The following HDAC9 variants were observed in gnomAD, a reference collection of about 807,000 sequenced individuals.
HDAC9 encodes the protein histone deacetylase 9, also known as MEF-2 interacting transcription repressor (MITR) protein.
In HDAC9, 41 loss-of-function variants were observed where a neutral mutation model predicts 139.4. That is an observed-to-expected ratio of 0.29 (90% CI 0.23 to 0.38). The LOEUF is 0.38. HDAC9 is among the 10% of genes least tolerant of loss of function. The pLI, the probability that HDAC9 is intolerant of heterozygous loss-of-function variation, is 1.00. For missense variants in HDAC9, 1,147 were observed against 1,297.0 expected (o/e 0.88, Z 1.78); for synonymous variants, 517 against 476.2 (o/e 1.09, Z -1.12).
At chr7:18,903,337 A>G (rs1297246734) in intron 22 of HDAC9, among the ~76,000 whole-genome samples, 1 of 152,242 alleles carries the variant, frequency 6.6e-6, no homozygotes, top group Non-Finnish European at 1.5e-5. Context: ...GTTTACGTAA[A>G]ATACTTGTGT....
chr7:18,207,539 CTTTTTT>C (rs56690120), intron 2 of HDAC9, among the ~76,000 whole-genome samples: 5 of 53,740 alleles, frequency 9.3e-5, no homozygotes, highest in African/African-American at 2.3e-4. Context: ...CCCAAGGAGT[CTTTTTT>C]TTTTTTTTTT....
At chr7:18,215,562 T>C (rs1792247058) in intron 2 of HDAC9, among the ~76,000 whole-genome samples, 1 of 152,194 alleles carries the variant, frequency 6.6e-6, no homozygotes, top group African/African-American at 2.4e-5. Flanking sequence ...TAAATGATTT[T>C]ATGTGGCAGT....
At chr7:18,549,372 T>C (rs960532396) in intron 2 of HDAC9, among the ~76,000 whole-genome samples, 2 of 152,216 alleles carry the variant, frequency 1.3e-5, no homozygotes, top group African/African-American at 4.8e-5. Context: ...CTGTTTTCAT[T>C]TGAAATAACT....
intron 1 of HDAC9, among the ~76,000 whole-genome samples, chr7:18,334,689 A>T (rs1345642094): frequency 6.6e-6 from 1 of 151,590 alleles, no homozygotes; most frequent in Non-Finnish European, 1.5e-5. Context: ...CAGGAAAAAG[A>T]ATAGGAACAA....
chr7:18,918,358 A>C (rs1353640554), intron 22 of HDAC9, among the ~76,000 whole-genome samples: 2 of 151,814 alleles, frequency 1.3e-5, no homozygotes, highest in African/African-American at 4.8e-5. Context: ...GGAAAGGGGG[A>C]AATCCAAGAA....
At chr7:18,461,050 C>G (rs1793800774) in intron 1 of HDAC9, among the ~76,000 whole-genome samples, 1 of 152,118 alleles carries the variant, frequency 6.6e-6, no homozygotes, top group East Asian at 1.9e-4. Context: ...AGCCTATTAA[C>G]CGTGGAAAAG....
At chr7:18,804,298 C>T (rs1002677232) in intron 17 of HDAC9, among the ~76,000 whole-genome samples, 2 of 152,108 alleles carry the variant, frequency 1.3e-5, no homozygotes, top group African/African-American at 4.8e-5. Context: ...AACTTCAAGG[C>T]CTGAGCGTCT....
At position 18,948,989 on chromosome 7, in the gene HDAC9, TC is replaced by T. The variant is rs755108419; in HGVS notation, c.2938-5155del. On this transcript the variant is annotated intron_variant, in intron 23 of 25. Transcript: ENST00000686413. The stretch of plus-strand genomic sequence containing the variant: ...CTTCACATAATTGATGAAATTGGTT[TC>T]CAATTTGGGAAGAGAACCACCTTTT... The T allele has an allele frequency of 2.6e-3, 1,025 of 394,104 alleles. 7 individuals are homozygous for T. The highest frequency in any genetic ancestry group is 4.4e-3 in the Non-Finnish European group (900 of 206,470). 24.4% of individuals were successfully genotyped at this position (394,104 alleles called of 1,614,324 possible).
At chr7:18,353,332 A>C (rs1489155467) in intron 1 of HDAC9, among the ~76,000 whole-genome samples, 1 of 152,060 alleles carries the variant, frequency 6.6e-6, no homozygotes, top group Non-Finnish European at 1.5e-5. Context: ...ATTTAAAGGT[A>C]GCCTAAGATC....
intron 1 of HDAC9, among the ~76,000 whole-genome samples, chr7:18,350,120 G>T (rs1782740411): frequency 6.6e-6 from 1 of 151,706 alleles, no homozygotes; most frequent in African/African-American, 2.4e-5. Context: ...TGTATTTGTG[G>T]GTATTCAGAA....
intron 1 of HDAC9, among the ~76,000 whole-genome samples, chr7:18,404,272 T>C (rs1260759380): frequency 6.6e-6 from 1 of 152,144 alleles, no homozygotes; most frequent in East Asian, 1.9e-4. Context: ...CCAGCAAAAA[T>C]GTAAGAGGCA....
At chr7:18,308,034 A>C (rs636246) in intron 1 of HDAC9, among the ~76,000 whole-genome samples, 25,832 of 152,150 alleles carry the variant, frequency 0.17, 2,308 homozygotes, top group East Asian at 0.26. Context: ...CATTTCTGAT[A>C]CCTACAAATA....
At position 18,998,426 on chromosome 7, in the gene HDAC9, C is replaced by T. The variant is rs1010897299; in HGVS notation, c.*2364C>T. Reference sequence around the variant, plus strand: ...GTTAATCACACATACTCCCATATGACACCATACCCAATTGGTTGCACTTAG... The same window carrying T: ...GTTAATCACACATACTCCCATATGATACCATACCCAATTGGTTGCACTTAG... On this transcript the variant is annotated 3_prime_UTR_variant, in exon 26 of 26. Coordinates refer to ENST00000686413, the MANE Select transcript of HDAC9 (RefSeq NM_178425.4). 6.6e-6 allele frequency: 1 copy of T among 152,180 alleles called. No individual in the cohort carries two copies. Among genetic ancestry groups the T allele is most frequent in the African/African-American group, 2.4e-5 (1 of 41,434 alleles). 9.4% of individuals were successfully genotyped at this position (152,180 alleles called of 1,614,324 possible).
intron 2 of HDAC9, among the ~76,000 whole-genome samples, chr7:18,166,558 A>G (rs1788026086): frequency 6.6e-6 from 1 of 152,196 alleles, no homozygotes; most frequent in African/African-American, 2.4e-5. Context: ...ATAAATTGTT[A>G]TGGAAATGCT....
intron 1 of HDAC9, among the ~76,000 whole-genome samples, chr7:18,096,921 G>GTGT (rs1477911644): frequency 1.4e-5 from 2 of 147,654 alleles, no homozygotes; most frequent in Non-Finnish European, 3.0e-5. Context: ...GTGTGTGTGT[G>GTGT]TATTCGTACT....
At chr7:18,625,669 G>T in intron 6 of HDAC9, among the ~76,000 whole-genome samples, 1 of 152,138 alleles carries the variant, frequency 6.6e-6, no homozygotes, top group Admixed American at 6.5e-5. Flanking sequence ...GACTGGCTGG[G>T]TGCAGTGGCT....
chr7:18,409,654 T>G (rs1414662866), intron 1 of HDAC9, among the ~76,000 whole-genome samples: 1 of 152,230 alleles, frequency 6.6e-6, no homozygotes, highest in Non-Finnish European at 1.5e-5. Flanking sequence ...TAATAGATGG[T>G]ATGTTTCCTT....
At chr7:18,091,635 C>T (rs1021439543) in intron 1 of HDAC9, among the ~76,000 whole-genome samples, 3 of 152,112 alleles carry the variant, frequency 2.0e-5, no homozygotes, top group African/African-American at 7.2e-5. Context: ...ACACAACACC[C>T]CTTTATCATA....
intron 11 of HDAC9, among the ~76,000 whole-genome samples, chr7:18,651,096 G>A (rs1027522048): frequency 2.6e-5 from 4 of 152,104 alleles, no homozygotes; most frequent in Non-Finnish European, 4.4e-5. Context: ...ACCTGCTTCC[G>A]TGACGTGACA....
Sources: allele counts gnomAD v4.1 joint callset (sites outside exome capture counted in the v4.1 genomes callset), GRCh38; gene constraint gnomAD v4.1.1; transcripts MANE v1.5; gene names NCBI Gene and HGNC (gene_info 2026-07-23, HGNC 2026-07-21).